The following RASSF8 variants were observed in gnomAD, a reference collection of about 807,000 sequenced individuals.
RASSF8 encodes the protein Ras association domain family member 8, also known as ras association domain-containing protein 8.
A neutral mutation model predicts 48.5 loss-of-function variants in RASSF8; 22 were observed. The observed-to-expected ratio is 0.45, with a 90% CI of 0.32 to 0.65. RASSF8 has a LOEUF of 0.65. Among genes scored for constraint, RASSF8 ranks in the 30% least tolerant of loss-of-function variants. The probability of loss-of-function intolerance (pLI) is 0.03; values close to 1 mark genes in which losing one functional copy is unlikely to be tolerated. For synonymous variants in RASSF8, 127 were observed against 171.5 expected, an observed-to-expected ratio of 0.74 and a Z score of 2.03; for missense variants, 418 against 489.2, an observed-to-expected ratio of 0.85 and a Z score of 1.37.
intron 2 of RASSF8, among the ~76,000 whole-genome samples, chr12:26,008,939 A>C (rs1207550955): frequency 6.6e-6 from 1 of 152,118 alleles, no homozygotes; most frequent in Admixed American, 6.5e-5. Flanking sequence ...CTGCCAAATG[A>C]GCAGATATAT....
chr12:26,039,197 C>T (rs965234774), intron 2 of RASSF8, among the ~76,000 whole-genome samples: 1 of 152,142 alleles, frequency 6.6e-6, no homozygotes, highest in Non-Finnish European at 1.5e-5. Context: ...CACAGCATTG[C>T]CAGAAGAATT....
At chr12:26,055,199 T>C in intron 2 of RASSF8, 37 bp from the exon 3 acceptor site, 1 of 649,562 alleles carries the variant, frequency 1.5e-6, no homozygotes, top group Non-Finnish European at 2.8e-6. Context: ...GAAATGTTGA[T>C]TCATTTTATT....
intron 1 of RASSF8, among the ~76,000 whole-genome samples, chr12:25,961,351 A>G (rs1941230058): frequency 6.6e-6 from 1 of 152,360 alleles, no homozygotes; most frequent in South Asian, 2.1e-4. Context: ...TGCAAGTAAA[A>G]GTGGAGTGGG....
At chr12:25,963,781 G>GC (rs1263832823) in intron 1 of RASSF8, among the ~76,000 whole-genome samples, 1 of 152,182 alleles carries the variant, frequency 6.6e-6, no homozygotes, top group Non-Finnish European at 1.5e-5. Context: ...GCATTTTTGA[G>GC]CCCCTGTTGG....
rs116293196 is a variant in RASSF8, at chr12:26,048,140, T to C, written c.-108-7096T>C. On this transcript the variant is annotated intron_variant, in intron 2 of 5. Coordinates refer to ENST00000689635, the MANE Select transcript of RASSF8 (RefSeq NM_001394098.1). The stretch of plus-strand genomic sequence containing the variant: ...AGGGCAATTGAGCCGGGTTGACTTA[T>C]ATTTAAAAATGGATGCTGAGGCAGC... Among the ~76,000 whole-genome samples the C allele has an allele frequency of 2.7e-3, 411 of 152,360 alleles. 3 individuals are homozygous for C. Among genetic ancestry groups the C allele is most frequent in the African/African-American group, 9.6e-3 (401 of 41,578 alleles).
chr12:26,055,178 A>T, intron 2 of RASSF8, 58 bp from the exon 3 acceptor site: 1 of 623,368 alleles, frequency 1.6e-6, no homozygotes, highest in Admixed American at 2.7e-5. Context: ...ATACTTACAT[A>T]CTTACTAGAA....
intron 1 of RASSF8, among the ~76,000 whole-genome samples, chr12:25,987,163 A>G (rs1462084760): frequency 6.6e-6 from 1 of 152,072 alleles, no homozygotes; most frequent in African/African-American, 2.4e-5. Flanking sequence ...CGAACTCCCA[A>G]CCTCAGGTGA....
intron 2 of RASSF8, among the ~76,000 whole-genome samples, chr12:26,047,948 G>T (rs1191241050): frequency 6.6e-6 from 1 of 152,206 alleles, no homozygotes; most frequent in Non-Finnish European, 1.5e-5. Context: ...ATTCTATTTT[G>T]GGTAATGAAA....
intron 5 of RASSF8, among the ~76,000 whole-genome samples, chr12:26,078,232 A>G (rs1191492803): frequency 6.6e-6 from 1 of 152,244 alleles, no homozygotes; most frequent in Admixed American, 6.5e-5. Context: ...AAAAATTAGT[A>G]TCTTCAATTG....
chr12:25,983,643 A>G (rs545851945), intron 1 of RASSF8, among the ~76,000 whole-genome samples: 3 of 152,328 alleles, frequency 2.0e-5, no homozygotes, highest in Non-Finnish European at 1.5e-5. Flanking sequence ...TGTATACCCT[A>G]CAACCCAGCA....
In RASSF8 at chr12:26,064,798, G is replaced by T; in HGVS notation, c.404G>T (p.Gly135Val). 6.2e-7 allele frequency: 1 copy of T among 1,614,200 alleles called. No individual in the cohort carries two copies. The highest frequency in any genetic ancestry group is 1.1e-5 in the South Asian group (1 of 91,084). ...PKRKSLTFTG[G>V]AKGLMDIFGK... ...AGGAAATCACTGACATTTACAGGAG[G>T]TGCCAAAGGATTAATGGACATTTTT... The change falls in exon 4 of 6, where the codon GGT becomes GTT. Residue 135 changes from glycine (G) to valine (V), a missense_variant. Transcript: ENST00000689635.
chr12:26,005,164 G>GGTGTGTGT (rs34419551), intron 2 of RASSF8, among the ~76,000 whole-genome samples: 1,990 of 149,980 alleles, frequency 0.013, 21 homozygotes, highest in Middle Eastern at 0.025. Flanking sequence ...TTACGGATGG[G>GGTGTGTGT]GTGTGTGTGT....
At chr12:26,036,659 A>G (rs1343161262) in intron 2 of RASSF8, among the ~76,000 whole-genome samples, 2 of 152,064 alleles carry the variant, frequency 1.3e-5, no homozygotes, top group Non-Finnish European at 2.9e-5. Context: ...TATAATCCCA[A>G]CACTTTGGGA....
chr12:25,992,119 C>T (rs777777291), intron 1 of RASSF8, among the ~76,000 whole-genome samples: 2 of 152,188 alleles, frequency 1.3e-5, no homozygotes, highest in African/African-American at 2.4e-5. Context: ...AGGACTTTCA[C>T]TGAGGATAAG....
intron 1 of RASSF8, among the ~76,000 whole-genome samples, chr12:25,975,752 G>A (rs1306807769): frequency 6.6e-6 from 1 of 152,156 alleles, no homozygotes; most frequent in African/African-American, 2.4e-5. Flanking sequence ...CTATTTAGAA[G>A]GTAGTACACG....
intron 1 of RASSF8, among the ~76,000 whole-genome samples, chr12:25,994,413 C>T (rs944259645): frequency 3.3e-5 from 5 of 152,140 alleles, no homozygotes; most frequent in African/African-American, 9.7e-5. Flanking sequence ...TCCCATCTTG[C>T]GGCCAAGATT....
intron 1 of RASSF8, among the ~76,000 whole-genome samples, chr12:25,965,216 C>T (rs1163531935): frequency 6.6e-6 from 1 of 152,192 alleles, no homozygotes; most frequent in African/African-American, 2.4e-5. Context: ...GCTGGGATTA[C>T]AGGCATGAGC....
chr12:26,006,550 A>T (rs1367885607), intron 2 of RASSF8, among the ~76,000 whole-genome samples: 1 of 152,214 alleles, frequency 6.6e-6, no homozygotes, highest in African/African-American at 2.4e-5. Flanking sequence ...CGTGGACTAC[A>T]TATATGTTTA....
intron 2 of RASSF8, among the ~76,000 whole-genome samples, chr12:26,054,263 G>C (rs971756357): frequency 2.0e-5 from 3 of 152,090 alleles, no homozygotes; most frequent in African/African-American, 7.2e-5. Flanking sequence ...AAAGAATTGT[G>C]ATCATTTTTA....
Sources: allele counts gnomAD v4.1 joint callset (sites outside exome capture counted in the v4.1 genomes callset), GRCh38; gene constraint gnomAD v4.1.1; transcripts MANE v1.5; gene names NCBI Gene and HGNC (gene_info 2026-07-23, HGNC 2026-07-21).